Variants in MBD5 observed in about 807,000 individuals in gnomAD.
MBD5 encodes the protein methyl-CpG binding domain protein 5.
In MBD5, 13 loss-of-function variants were observed where a neutral mutation model predicts 117.3. The observed-to-expected ratio is 0.11, with a 90% CI of 0.07 to 0.18. The LOEUF is 0.18. Ranked by LOEUF, MBD5 falls within the 10% of genes least tolerant of loss-of-function variation. MBD5 has a pLI of 1.00. For synonymous variants in MBD5, 727 were observed against 766.4 expected, an observed-to-expected ratio of 0.95 and a Z score of 0.85; for missense variants, 1,879 against 2,093.8, an observed-to-expected ratio of 0.90 and a Z score of 2.00.
intron 7 of MBD5, 82 bp from the exon 8 acceptor site, chr2:148,468,259 G>A: frequency 8.4e-7 from 1 of 1,192,232 alleles, no homozygotes; most frequent in South Asian, 1.3e-5. Flanking sequence ...CTCCCTTCCT[G>A]ATTTCCTCCA....
chr2:148,422,466 G>A lies in MBD5; in HGVS notation c.-556-35737G>A, dbSNP rs547201579. 7.2e-5 allele frequency among the ~76,000 whole-genome samples: 11 copies of A among 152,260 alleles called. No homozygotes were observed. The South Asian group carries it at 1.7e-3, about 23-fold the overall frequency. Reference sequence around the variant, plus strand: ...AAAGACCAAAGGTAGATAAATCCACGAAGATAGGGAGAAACCAGCGCAAAA... The same window carrying A: ...AAAGACCAAAGGTAGATAAATCCACAAAGATAGGGAGAAACCAGCGCAAAA... On this transcript the variant is annotated intron_variant, in intron 4 of 13. Transcript: ENST00000642680.
At chr2:148,046,247 G>T (rs1189529203) in intron 1 of MBD5, among the ~76,000 whole-genome samples, 1 of 152,088 alleles carries the variant, frequency 6.6e-6, no homozygotes, top group African/African-American at 2.4e-5. Flanking sequence ...CTCCCAAAGT[G>T]CTGGGATTAC....
In MBD5 at chr2:148,470,273, A is replaced by G. The variant is rs768601611; in HGVS notation, c.2330A>G (p.Asn777Ser). The change falls in exon 8 of 14, where the codon AAC (asparagine) becomes AGC (serine). Residue 777 changes from asparagine to serine, a missense_variant. Physicochemically the swap from Asn to Ser is conservative, Grantham distance 46. Transcript: ENST00000642680. Reference protein sequence around the residue: ...NFVHSNSPVPNHHLAGLINQI... With the variant: ...NFVHSNSPVPSHHLAGLINQI... ...GTTCACAGTAACAGTCCAGTCCCCA[A>G]CCACCATCTTGCAGGTTTAATAAAT... 9.9e-6 allele frequency: 16 copies of G among 1,613,840 alleles called. No individual in the cohort carries two copies. Among genetic ancestry groups the G allele is most frequent in the South Asian group, 6.6e-5 (6 of 91,090 alleles).
At chr2:148,184,102 C>A (rs941767447) in intron 2 of MBD5, among the ~76,000 whole-genome samples, 12 of 151,068 alleles carry the variant, frequency 7.9e-5, no homozygotes, top group Non-Finnish European at 1.6e-4. Context: ...TCAACCTCCT[C>A]CTGGGCCCAA....
intron 4 of MBD5, among the ~76,000 whole-genome samples, chr2:148,394,662 A>C (rs1175952156): frequency 1.3e-5 from 2 of 149,950 alleles, no homozygotes; most frequent in African/African-American, 2.5e-5. Flanking sequence ...TCAAGTAATC[A>C]GCTTTTGATT....
intron 1 of MBD5, among the ~76,000 whole-genome samples, chr2:148,166,896 A>T (rs936737813): frequency 2.0e-5 from 3 of 151,888 alleles, no homozygotes; most frequent in Admixed American, 6.6e-5. Flanking sequence ...TTTGTCAATT[A>T]TGCTGGCTGA....
At chr2:148,162,619 G>A (rs1374457525) in intron 1 of MBD5, among the ~76,000 whole-genome samples, 1 of 152,042 alleles carries the variant, frequency 6.6e-6, no homozygotes, top group Non-Finnish European at 1.5e-5. Flanking sequence ...GTAAAAATTA[G>A]CAATAGTGTG....
intron 8 of MBD5, among the ~76,000 whole-genome samples, chr2:148,480,206 G>C (rs918174428): frequency 1.3e-5 from 2 of 151,894 alleles, no homozygotes; most frequent in African/African-American, 4.8e-5. Flanking sequence ...TTTCTTGATG[G>C]TAAAGCAAAA....
chr2:148,445,170 A>G (rs1011376585), intron 4 of MBD5, among the ~76,000 whole-genome samples: 8 of 150,794 alleles, frequency 5.3e-5, no homozygotes, highest in Admixed American at 2.0e-4. Context: ...AAGTTCTAGG[A>G]TACATGTGCA....
intron 4 of MBD5, among the ~76,000 whole-genome samples, chr2:148,436,235 C>T (rs1004980522): frequency 1.3e-5 from 2 of 152,296 alleles, no homozygotes; most frequent in Non-Finnish European, 2.9e-5. Context: ...TACAAGTTCT[C>T]CACTCCTGTC....
intron 7 of MBD5, 42 bp from the exon 8 acceptor site, chr2:148,468,299 T>G: frequency 6.5e-7 from 1 of 1,550,298 alleles, no homozygotes; most frequent in Non-Finnish European, 8.9e-7. Flanking sequence ...CACAAAAGAG[T>G]TGAGACTGTT....
chr2:148,215,670 C>T (rs2106035128), intron 2 of MBD5, among the ~76,000 whole-genome samples: 1 of 150,538 alleles, frequency 6.6e-6, no homozygotes, highest in African/African-American at 2.4e-5. Flanking sequence ...TGCAGGTGTG[C>T]AGCACCATGC....
At chr2:148,506,747 T>G (rs767314122) in intron 12 of MBD5, among the ~76,000 whole-genome samples, 15 of 152,228 alleles carry the variant, frequency 9.9e-5, no homozygotes, top group Non-Finnish European at 1.8e-4. Flanking sequence ...TATATGAACA[T>G]CTATTACTTA....
chr2:148,466,814 CA>C (rs1025819740), intron 7 of MBD5, among the ~76,000 whole-genome samples: 36 of 152,044 alleles, frequency 2.4e-4, no homozygotes, highest in African/African-American at 8.5e-4. Flanking sequence ...CCAAGAAAAA[CA>C]AATGTTCACA....
chr2:148,098,075 C>T (rs1451298324), intron 1 of MBD5, among the ~76,000 whole-genome samples: 5 of 152,072 alleles, frequency 3.3e-5, no homozygotes, highest in Middle Eastern at 6.3e-3. Flanking sequence ...GTTTGAGTAA[C>T]GTGAGGAGAG....
intron 4 of MBD5, among the ~76,000 whole-genome samples, chr2:148,403,711 A>G (rs1017512965): frequency 1.3e-5 from 2 of 152,150 alleles, no homozygotes; most frequent in African/African-American, 2.4e-5. Context: ...CAATGCACCA[A>G]TCTTGTTCAG....
At chr2:148,256,085 T>C (rs1700583711) in intron 3 of MBD5, among the ~76,000 whole-genome samples, 1 of 152,364 alleles carries the variant, frequency 6.6e-6, no homozygotes, top group African/African-American at 2.4e-5. Flanking sequence ...AGCGGCCCGA[T>C]GTAGTCTATT....
intron 3 of MBD5, among the ~76,000 whole-genome samples, chr2:148,312,091 T>G (rs1013067169): frequency 2.6e-5 from 4 of 152,188 alleles, no homozygotes; most frequent in African/African-American, 9.7e-5. Flanking sequence ...ATTTTTTCCT[T>G]CATTTCAACC....
intron 2 of MBD5, among the ~76,000 whole-genome samples, chr2:148,197,818 G>GTTTTTTTTTTTT (rs11389519): frequency 1.9e-5 from 2 of 103,552 alleles, no homozygotes; most frequent in African/African-American, 7.7e-5. Flanking sequence ...TTTTTTTTTT[G>GTTTTTTTTTTTT]TTTTTTTTTT....
Sources: allele counts gnomAD v4.1 joint callset (sites outside exome capture counted in the v4.1 genomes callset), GRCh38; gene constraint gnomAD v4.1.1; transcripts MANE v1.5; gene names NCBI Gene and HGNC (gene_info 2026-07-23, HGNC 2026-07-21).